NTN1: variants seen among roughly 807,000 people sequenced by gnomAD.
NTN1 encodes netrin 1.
NTN1 carries 11 observed loss-of-function variants against 54.2 expected under a neutral mutation model. The observed-to-expected ratio is 0.20, with a 90% confidence interval of 0.13 to 0.34. NTN1 has a LOEUF of 0.34. NTN1 is among the 10% of genes least tolerant of loss of function. The pLI, the probability that NTN1 is intolerant of heterozygous loss-of-function variation, is 1.00. For missense variants in NTN1, 740 were observed against 893.1 expected, an observed-to-expected ratio of 0.83 and a Z score of 2.18; for synonymous variants, 371 against 382.0, an observed-to-expected ratio of 0.97 and a Z score of 0.33.
chr17:9,170,672 G>T (rs770362034), intron 3 of NTN1, among the ~76,000 whole-genome samples: 4 of 152,226 alleles, frequency 2.6e-5, no homozygotes, highest in Non-Finnish European at 4.4e-5. Flanking sequence ...TGCACATCCA[G>T]ATTTGGCTCT....
chr17:9,088,428 C>T (rs1184239708), intron 2 of NTN1, among the ~76,000 whole-genome samples: 1 of 152,162 alleles, frequency 6.6e-6, no homozygotes, highest in East Asian at 1.9e-4. Flanking sequence ...CTTCAGACTC[C>T]TTCTTATGAA....
chr17:9,075,551 G>A (rs1470072410), intron 2 of NTN1, among the ~76,000 whole-genome samples: 1 of 152,194 alleles, frequency 6.6e-6, no homozygotes, highest in African/African-American at 2.4e-5. Flanking sequence ...GGGGCTCTAT[G>A]AGAGTCCCAT....
chr17:9,203,008 G>A lies in NTN1; in HGVS notation c.1412-18160G>A, dbSNP rs569073231. 2.0e-4 allele frequency among the ~76,000 whole-genome samples: 30 copies of A among 152,162 alleles called. No individual in the cohort carries two copies. In the East Asian group the frequency reaches 2.5e-3, roughly 13 times the overall value. On this transcript the variant is annotated intron_variant, in intron 5 of 6. Coordinates refer to ENST00000173229, the MANE Select transcript of NTN1 (RefSeq NM_004822.3). ...GCGATCTCCGCTCACTGCAAGCTCC[G>A]CCTTCCGGGTTCACACCATTCTCCT...
chr17:9,049,578 G>A (rs979825376), intron 2 of NTN1, among the ~76,000 whole-genome samples: 9 of 152,176 alleles, frequency 5.9e-5, no homozygotes, highest in Non-Finnish European at 1.3e-4. Context: ...GAGGAAATAC[G>A]AGATGATCCC....
chr17:9,155,302 G>A (rs969004544), intron 2 of NTN1, among the ~76,000 whole-genome samples: 1 of 151,878 alleles, frequency 6.6e-6, no homozygotes, highest in African/African-American at 2.4e-5. Context: ...TGTTGAAGGA[G>A]TTAATGACAG....
chr17:9,081,627 G>A (rs142101350), intron 2 of NTN1, among the ~76,000 whole-genome samples: 4 of 152,300 alleles, frequency 2.6e-5, no homozygotes, highest in East Asian at 3.9e-4. Flanking sequence ...CGAGGAAGCC[G>A]ACTGCTGTCG....
At chr17:9,021,766 C>T (rs2091848833) in intron 1 of NTN1, among the ~76,000 whole-genome samples, 181 bp downstream of exon 1, 1 of 151,516 alleles carries the variant, frequency 6.6e-6, no homozygotes, top group South Asian at 2.1e-4. Context: ...CGCGCTGAGG[C>T]GGGACGCGCC....
chr17:9,093,961 G>A (rs12941274), intron 2 of NTN1, among the ~76,000 whole-genome samples: 11,810 of 152,132 alleles, frequency 0.078, 621 homozygotes, highest in Non-Finnish European at 0.11. Context: ...GTGACAGAGC[G>A]AGACCCTGTC....
intron 2 of NTN1, among the ~76,000 whole-genome samples, chr17:9,072,059 C>A (rs1177164220): frequency 6.6e-6 from 1 of 152,124 alleles, no homozygotes; most frequent in Non-Finnish European, 1.5e-5. Context: ...GAAGCCGGGG[C>A]TGGGAGTAGG....
At chr17:9,152,003 G>T (rs1452903759) in intron 2 of NTN1, among the ~76,000 whole-genome samples, 2 of 152,184 alleles carry the variant, frequency 1.3e-5, no homozygotes, top group Non-Finnish European at 2.9e-5. Flanking sequence ...ACTCTGATAG[G>T]ACAGAAATGG....
intron 2 of NTN1, among the ~76,000 whole-genome samples, chr17:9,052,921 CCT>C (rs2091965728): frequency 6.6e-6 from 1 of 152,208 alleles, no homozygotes; most frequent in Admixed American, 6.5e-5. Context: ...GCAGCTCTGG[CCT>C]CTCAATAGCT....
intron 2 of NTN1, among the ~76,000 whole-genome samples, chr17:9,091,732 C>T (rs184773883): frequency 2.4e-3 from 359 of 151,286 alleles, no homozygotes; most frequent in African/African-American, 8.2e-3. Context: ...GGATTACAAG[C>T]GTGAGCCACC....
chr17:9,068,133 G>A (rs950398347), intron 2 of NTN1, among the ~76,000 whole-genome samples: 1 of 152,164 alleles, frequency 6.6e-6, no homozygotes, highest in African/African-American at 2.4e-5. Context: ...CAGGCTAGAA[G>A]GGATTGATGA....
intron 2 of NTN1, among the ~76,000 whole-genome samples, chr17:9,066,998 C>CAAAAAA (rs71361855): frequency 4.5e-5 from 4 of 89,362 alleles, no homozygotes; most frequent in African/African-American, 8.7e-5. Context: ...GACTCCATCT[C>CAAAAAA]AAAAAAAAAA....
chr17:9,083,054 T>G (rs1298907583), intron 2 of NTN1, among the ~76,000 whole-genome samples: 1 of 151,856 alleles, frequency 6.6e-6, no homozygotes, highest in Admixed American at 6.6e-5. Context: ...CACCCCTCAT[T>G]CTCCGTGTTC....
intron 2 of NTN1, among the ~76,000 whole-genome samples, chr17:9,162,205 G>C (rs564689696): frequency 6.6e-6 from 1 of 152,280 alleles, no homozygotes; most frequent in South Asian, 2.1e-4. Context: ...ACGAGGGGGA[G>C]GGGGAGAAGG....
chr17:9,007,379 T>G, the NTN1 span, among the ~76,000 whole-genome samples: 536 of 150,916 alleles, frequency 3.6e-3, 4 homozygotes, highest in African/African-American at 0.012. Flanking sequence ...TTTCCTTCCT[T>G]CCTTGTCTTT....
At chr17:9,018,264 G>C (rs1265975470), upstream of NTN1, among the ~76,000 whole-genome samples, 1 of 152,124 alleles carries the variant, frequency 6.6e-6, no homozygotes, top group Non-Finnish European at 1.5e-5. Flanking sequence ...CCTAAGCTCA[G>C]CTGGCAATGT....
At chr17:9,067,774 C>A (rs1386815210) in intron 2 of NTN1, among the ~76,000 whole-genome samples, 6 of 152,158 alleles carry the variant, frequency 3.9e-5, no homozygotes, top group Admixed American at 3.9e-4. Context: ...CCATCTAGCC[C>A]CTCAACAGGT....
Sources: allele counts gnomAD v4.1 joint callset (sites outside exome capture counted in the v4.1 genomes callset), GRCh38; gene constraint gnomAD v4.1.1; transcripts MANE v1.5; gene names NCBI Gene and HGNC (gene_info 2026-07-23, HGNC 2026-07-21).